CLNS1A: variants seen among roughly 807,000 people sequenced by gnomAD.
CLNS1A encodes chloride nucleotide-sensitive channel 1A.
In CLNS1A, 16 loss-of-function variants were observed where a neutral mutation model predicts 29.4. The ratio of observed to expected loss-of-function variants is 0.54; its 90% CI spans 0.37 to 0.83. The LOEUF is 0.83. Among genes scored for constraint, CLNS1A ranks in the 40% least tolerant of loss-of-function variants. The pLI is 0.00. For missense variants in CLNS1A, 235 were observed against 287.4 expected, an observed-to-expected ratio of 0.82 and a Z score of 1.32; for synonymous variants, 96 against 104.8, an observed-to-expected ratio of 0.92 and a Z score of 0.51.
At chr11:77,636,616 A>G (rs1008013394) in intron 1 of CLNS1A, among the ~76,000 whole-genome samples, 2 of 152,188 alleles carry the variant, frequency 1.3e-5, no homozygotes, top group Admixed American at 6.5e-5. Context: ...GCGGGTGAAT[A>G]TGTTATATTA....
chr11:77,629,398 T>TC lies in CLNS1A; in HGVS notation c.262+364dup, dbSNP rs1425855193. ...GATTATTATCAAAGACTCTTTTTTT[T>TC]CTTTTTTTTTTTTTAGACGGAGTCT... On this transcript the variant is annotated intron_variant, in intron 2 of 6. Coordinates refer to ENST00000525428, the MANE Select transcript of CLNS1A (RefSeq NM_001293.3). 7.2e-5 allele frequency among the ~76,000 whole-genome samples: 11 copies of TC among 151,880 alleles called. No homozygotes were observed. The East Asian group carries it at 1.9e-3, about 27-fold the overall frequency.
intron 1 of CLNS1A, among the ~76,000 whole-genome samples, chr11:77,631,379 TGGCGGATCTC>T (rs2135775398): frequency 6.6e-6 from 1 of 151,762 alleles, no homozygotes; most frequent in South Asian, 2.1e-4. Context: ...TGGAGTGCAG[TGGCGGATCTC>T]GGCTCGCTGC....
At chr11:77,622,001 A>G in intron 5 of CLNS1A, 1 of 456,224 alleles carries the variant, frequency 2.2e-6, no homozygotes, top group South Asian at 1.5e-5. Flanking sequence ...CACGTGGGCC[A>G]ATTTCTTAAA....
chr11:77,623,473 AGT>A (rs1195380315), intron 4 of CLNS1A, among the ~76,000 whole-genome samples: 1 of 151,964 alleles, frequency 6.6e-6, no homozygotes, highest in Non-Finnish European at 1.5e-5. Context: ...GTGCACCTGT[AGT>A]CTCAGCTAAT....
rs1294856315 is a variant in CLNS1A, at chr11:77,614,564, C to G, written c.*2154G>C. 5 of 152,396 alleles carry G rather than the reference C, an allele frequency of 3.3e-5. No individual in the cohort carries two copies. The highest frequency in any genetic ancestry group is 1.2e-4 in the African/African-American group (5 of 41,562). The allele number at this position is 152,396 out of a possible 1,614,324, so 9.4% of individuals were successfully genotyped here. On this transcript the variant is annotated 3_prime_UTR_variant, in exon 7 of 7. Transcript: ENST00000525428. ...TTTTCACCGTATTGGCCAGGCTGGT[C>G]TCAAACTCCTGACCTCAAGTGATCT...
At chr11:77,622,947 T>TG (rs1191045808) in intron 4 of CLNS1A, among the ~76,000 whole-genome samples, 29 of 127,908 alleles carry the variant, frequency 2.3e-4, no homozygotes, top group African/African-American at 7.4e-4. Context: ...GACCTTGTCT[T>TG]GGAAAAAAAA....
rs1342747471 is a variant in CLNS1A at position 77,616,501 on chromosome 11, T to C, written c.*217A>G. The C allele has an allele frequency of 6.6e-6, 1 of 152,648 alleles. No individual in the cohort carries two copies. Among genetic ancestry groups the C allele is most frequent in the Non-Finnish European group, 1.5e-5 (1 of 68,036 alleles). 9.5% of individuals were successfully genotyped at this position (152,648 alleles called of 1,614,324 possible). A position where few individuals can be genotyped will look rare whatever the true frequency, so the allele number is the denominator to read the frequency against. On this transcript the variant is annotated 3_prime_UTR_variant, in exon 7 of 7. Transcript: ENST00000525428. Reference sequence around the variant, plus strand: ...TAAATAGTAAACTACAAATACCCTCTTGGTTAAGTTAATTCATCAAGTTAA... The same window carrying C: ...TAAATAGTAAACTACAAATACCCTCCTGGTTAAGTTAATTCATCAAGTTAA...
At chr11:77,629,689 C>G in intron 2 of CLNS1A, 74 bp downstream of exon 2, 1 of 1,477,218 alleles carries the variant, frequency 6.8e-7, no homozygotes, top group Non-Finnish European at 9.3e-7. Context: ...CCACCGTGCC[C>G]GGCCTCAAAG....
chr11:77,636,280 C>T (rs908018791), intron 1 of CLNS1A, among the ~76,000 whole-genome samples: 1 of 152,050 alleles, frequency 6.6e-6, no homozygotes, highest in Non-Finnish European at 1.5e-5. Flanking sequence ...GCTGCCCAGG[C>T]TGATCTCAAA....
intron 1 of CLNS1A, among the ~76,000 whole-genome samples, chr11:77,631,324 C>T (rs906380416): frequency 7.1e-5 from 10 of 141,128 alleles, no homozygotes; most frequent in African/African-American, 2.3e-4. Flanking sequence ...TAATTGTATA[C>T]TTTTTTTTTT....
At chr11:77,619,517 C>G in intron 6 of CLNS1A, 89 bp downstream of exon 6, 1 of 873,348 alleles carries the variant, frequency 1.1e-6, no homozygotes, top group South Asian at 1.5e-5. Flanking sequence ...GAGTAAGACC[C>G]TGTCTCAAGA....
rs534601941 is a variant in CLNS1A, at chr11:77,625,326, G to C, written c.365-256C>G. The C allele has an allele frequency of 2.0e-5, 10 of 499,662 alleles. No individual in the cohort carries two copies. In the South Asian group the frequency reaches 2.7e-4, roughly 13 times the overall value. 31.0% of individuals were successfully genotyped at this position (499,662 alleles called of 1,614,324 possible). ...GGTCAGAGTCCTGGTAAGACTGCTG[G>C]CATCAGGGTGAAGGGTGAAGACTGC... On this transcript the variant is annotated intron_variant, in intron 3 of 6. Coordinates refer to ENST00000525428, the MANE Select transcript of CLNS1A (RefSeq NM_001293.3).
intron 2 of CLNS1A, 82 bp from the exon 3 acceptor site, chr11:77,625,900 A>G: frequency 8.8e-7 from 1 of 1,141,514 alleles, no homozygotes; most frequent in Non-Finnish European, 1.2e-6. Flanking sequence ...ATTGCAATTC[A>G]ATTTTAATTT....
rs540955015 is a variant in CLNS1A at position 77,616,150 on chromosome 11, G to A, written c.*568C>T. ...GGTTTTAGTCAAGAATGAGAGCAAAGTAATATAGAAAACCTAGGTTTATTT... is the reference window on the plus strand; with the variant it reads ...GGTTTTAGTCAAGAATGAGAGCAAAATAATATAGAAAACCTAGGTTTATTT... On this transcript the variant is annotated 3_prime_UTR_variant, in exon 7 of 7. Transcript: ENST00000525428. 1 of 152,236 alleles carries A rather than the reference G, an allele frequency of 6.6e-6. No homozygotes were observed. The highest frequency in any genetic ancestry group is 2.4e-5 in the African/African-American group (1 of 41,554). The allele number at this position is 152,236 out of a possible 1,614,324, so 9.4% of individuals were successfully genotyped here. A position where few individuals can be genotyped will look rare whatever the true frequency, so the allele number is the denominator to read the frequency against.
chr11:77,634,467 T>C (rs567386608), intron 1 of CLNS1A, among the ~76,000 whole-genome samples: 135 of 152,298 alleles, frequency 8.9e-4, no homozygotes, highest in African/African-American at 3.0e-3. Flanking sequence ...GGCTCATGCC[T>C]GTAATCCCAG....
chr11:77,619,298 G>A (rs1401645424), intron 6 of CLNS1A, among the ~76,000 whole-genome samples: 2 of 152,164 alleles, frequency 1.3e-5, no homozygotes, highest in African/African-American at 2.4e-5. Flanking sequence ...TTCGGATGCC[G>A]AGGAGGGAGA....
chr11:77,628,601 A>C (rs1959044229), intron 2 of CLNS1A, among the ~76,000 whole-genome samples: 1 of 152,212 alleles, frequency 6.6e-6, no homozygotes. Context: ...AGGTCTTGCC[A>C]AAAGTCCTAA....
chr11:77,624,610 G>A (rs1174230047), intron 4 of CLNS1A, among the ~76,000 whole-genome samples: 3 of 151,956 alleles, frequency 2.0e-5, no homozygotes, highest in East Asian at 1.9e-4. Context: ...ACCTGAGGTC[G>A]GGAGTTCAAG....
At chr11:77,633,158 C>A (rs1959092063) in intron 1 of CLNS1A, among the ~76,000 whole-genome samples, 1 of 151,444 alleles carries the variant, frequency 6.6e-6, no homozygotes, top group Non-Finnish European at 1.5e-5. Context: ...GAACAAATAC[C>A]TATTAACAAC....
Sources: allele counts gnomAD v4.1 joint callset (sites outside exome capture counted in the v4.1 genomes callset), GRCh38; gene constraint gnomAD v4.1.1; transcripts MANE v1.5; gene names NCBI Gene and HGNC (gene_info 2026-07-23, HGNC 2026-07-21).